Variants in AP3B2 observed in about 807,000 individuals in gnomAD.
AP3B2 encodes the protein adaptor related protein complex 3 subunit beta 2.
Under a neutral mutation model 126.9 loss-of-function variants are expected in AP3B2, and 50 were observed. The ratio of observed to expected loss-of-function variants is 0.39; its 90% CI spans 0.31 to 0.50. The LOEUF is 0.50. Ranked by LOEUF, AP3B2 falls within the 20% of genes least tolerant of loss-of-function variation. The pLI is 0.79. For synonymous variants in AP3B2, 541 were observed against 565.0 expected (o/e 0.96, Z 0.60); for missense variants, 1,177 against 1,426.4 (o/e 0.83, Z 2.82).
rs1177897642 is a variant in AP3B2 at position 82,665,916 on chromosome 15, C to T, written c.1853-341G>A. Among the ~76,000 whole-genome samples the T allele has an allele frequency of 6.6e-6, 1 of 152,132 alleles. No homozygotes were observed. The highest frequency in any genetic ancestry group is 1.5e-5 in the Non-Finnish European group (1 of 68,024). ...TCTGGACTCAGCAGGGAGGGATGAA[C>T]AGTCAGAGCATGAGTGTGTAGAAGT... On this transcript the variant is annotated intron_variant, in intron 15 of 26. Transcript: ENST00000535359. The surrounding 1 kb of genome is among the most constrained non-coding windows in gnomAD (Gnocchi z 4.4).
chr15:82,702,019 T>C (rs559749459), intron 1 of AP3B2, among the ~76,000 whole-genome samples: 1 of 152,342 alleles, frequency 6.6e-6, no homozygotes, highest in South Asian at 2.1e-4. Flanking sequence ...ACCTCTTGGG[T>C]ACCTTGAAAC....
In AP3B2 at chr15:82,704,827, G is replaced by A. The variant is rs571850164; in HGVS notation, c.113+4767C>T. Among the ~76,000 whole-genome samples the A allele has an allele frequency of 2.8e-4, 43 of 151,648 alleles. No homozygotes were observed. The Middle Eastern group carries it at 0.01, about 36-fold the overall frequency. ...AGTCCGTCCCCTTCTTAATCAATAC[G>A]GAGGCTACCAACTCCACATTACCTT... On this transcript the variant is annotated intron_variant, in intron 1 of 26. Transcript: ENST00000535359.
Position 82,680,247 on chromosome 15 carries a change from C to T in AP3B2, c.1056-18G>A, listed in dbSNP as rs1231931203. On this transcript the variant is annotated intron_variant, in intron 8 of 26. Transcript: ENST00000535359. The surrounding 1 kb of genome is among the most constrained non-coding windows in gnomAD (Gnocchi z 6.1). The stretch of plus-strand genomic sequence containing the variant: ...GCACCTCACTGCGGAGAGGACGGGT[C>T]AGAGCACCCCGGGCCCCTCGGTTGG... 1 of 1,613,488 alleles carries T rather than the reference C, an allele frequency of 6.2e-7. No individual in the cohort carries two copies. The highest frequency in any genetic ancestry group is 2.2e-5 in the East Asian group (1 of 44,862).
intron 21 of AP3B2, 33 bp from the exon 22 acceptor site, chr15:82,663,266 A>T: frequency 6.5e-7 from 1 of 1,548,394 alleles, no homozygotes; most frequent in Non-Finnish European, 8.9e-7. Flanking sequence ...GAGGAGGCAA[A>T]GTGGAGGTGG....
intron 14 of AP3B2, 38 bp from the exon 15 acceptor site, chr15:82,666,971 G>C: frequency 6.3e-7 from 1 of 1,584,390 alleles, no homozygotes; most frequent in South Asian, 1.1e-5. Flanking sequence ...CTGACGGGGG[G>C]ATGGGGACAC....
rs147753948 is a variant in AP3B2, at chr15:82,695,965, A to G, written c.114-6512T>C. Among the ~76,000 whole-genome samples, 523 of 152,308 alleles carry G rather than the reference A, an allele frequency of 3.4e-3. 2 individuals carry two copies. Among genetic ancestry groups the G allele is most frequent in the African/African-American group, 0.012 (497 of 41,552 alleles). ...CACCCATTTTTGTGGCCAGAGGTGA[A>G]GCACTCTCTGGTGAGCGGTGTGTAT... On this transcript the variant is annotated intron_variant, in intron 1 of 26. Transcript: ENST00000535359.
At chr15:82,687,582 T>C (rs944323154) in intron 4 of AP3B2, 3 of 152,230 alleles carry the variant, frequency 2.0e-5, no homozygotes, top group Non-Finnish European at 4.4e-5. Context: ...ATGTGTGGCA[T>C]AGAGACACCC....
intron 4 of AP3B2, among the ~76,000 whole-genome samples, chr15:82,683,053 T>TTG (rs1389788076): frequency 1.3e-5 from 1 of 75,032 alleles, no homozygotes; most frequent in East Asian, 3.7e-4. Context: ...AGGAGTTTTT[T>TTG]TTTTTTTTTT....
rs2048008370 is a variant in AP3B2 at position 82,664,105 on chromosome 15, C to T, written c.2262-130G>A. ...AGCCAGGAGGGTTCACACCTGAGGTCCTATAGCAGGGACCCCGTGAGAGCT... is the reference window on the plus strand; with the variant it reads ...AGCCAGGAGGGTTCACACCTGAGGTTCTATAGCAGGGACCCCGTGAGAGCT... On this transcript the variant is annotated intron_variant, in intron 19 of 26. Transcript: ENST00000535359. This position sits in a 1 kb window ranked among gnomAD's most constrained non-coding sequence, Gnocchi z 4.5. 3 of 1,419,194 alleles carry T rather than the reference C, an allele frequency of 2.1e-6. No individual in the cohort carries two copies. The highest frequency in any genetic ancestry group is 2.8e-6 in the Non-Finnish European group (3 of 1,078,290). 87.9% of individuals were successfully genotyped at this position (1,419,194 alleles called of 1,614,324 possible).
At position 82,688,824 on chromosome 15, in the gene AP3B2, T is replaced by C; in HGVS notation, c.272A>G (p.Lys91Arg). The C allele has an allele frequency of 6.2e-7, 1 of 1,611,174 alleles. No individual in the cohort carries two copies. Among genetic ancestry groups the C allele is most frequent in the Non-Finnish European group, 8.5e-7 (1 of 1,178,708 alleles). Residue 91 changes from lysine (K) to arginine (R), a missense_variant, in exon 4 of 27, where the codon AAG (lysine) becomes AGG (arginine). Transcript: ENST00000535359. Reference protein sequence around the residue: ...NVACKNIEVKKLVYVYLVRYA... With the variant: ...NVACKNIEVKRLVYVYLVRYA... ...GCGTACCAGGTACACATAGACAAGCTTCTTCACCTTGGGGAGAGCACGTTT... is the reference window on the plus strand; with the variant it reads ...GCGTACCAGGTACACATAGACAAGCCTCTTCACCTTGGGGAGAGCACGTTT...
intron 15 of AP3B2, among the ~76,000 whole-genome samples, chr15:82,666,005 G>A (rs535432344): frequency 2.0e-5 from 3 of 152,298 alleles, no homozygotes; most frequent in East Asian, 1.9e-4. Context: ...GGATGGTGTC[G>A]GGGAGAAAGG....
intron 4 of AP3B2, chr15:82,688,096 C>A: frequency 4.5e-6 from 1 of 221,454 alleles, no homozygotes; most frequent in Non-Finnish European, 9.0e-6. Flanking sequence ...ACAGTGAGAA[C>A]CTGTCTCATA....
rs1455524267 is a variant in AP3B2, at chr15:82,659,639, G to C, written c.3227C>G (p.Ala1076Gly). 1 of 1,613,906 alleles carries C rather than the reference G, an allele frequency of 6.2e-7. No individual in the cohort carries two copies. The highest frequency in any genetic ancestry group is 1.7e-5 in the Admixed American group (1 of 60,018). ...LTLDARPAGA[A>G]QLTVNSEKMV... ...TTTCTCGCTGTTGACAGTCAGCTGG[G>C]CAGCTCCAGCTGGCCGGGCATCCAG... Residue 1076 changes from alanine to glycine, a missense_variant, in exon 27 of 27, where the codon GCC becomes GGC. Physicochemically the swap from Ala to Gly is moderately conservative, Grantham distance 60 (BLOSUM62 0). Transcript: ENST00000535359.
intron 14 of AP3B2, 32 bp from the exon 15 acceptor site, chr15:82,666,965 C>T (rs112022681): frequency 4.6e-5 from 73 of 1,591,712 alleles, no homozygotes; most frequent in Admixed American, 1.9e-4. Context: ...GGTCAGCTGA[C>T]GGGGGGATGG....
intron 25 of AP3B2, among the ~76,000 whole-genome samples, chr15:82,661,477 TGGG>T (rs781320266): frequency 6.6e-6 from 1 of 152,192 alleles, no homozygotes; most frequent in Non-Finnish European, 1.5e-5. Flanking sequence ...TTTTAAGTGT[TGGG>T]GGAGCAATCA....
Position 82,709,853 on chromosome 15 carries a change from C to T in AP3B2, c.-147G>A, listed in dbSNP as rs969460291. On this transcript the variant is annotated 5_prime_UTR_variant, in exon 1 of 27. Transcript: ENST00000535359. ...CAGCAGAGGCTGCAGTGTGCAGCGGCGGAGGCTGCGCGCGGATTTCTCAAT... is the reference window on the plus strand; with the variant it reads ...CAGCAGAGGCTGCAGTGTGCAGCGGTGGAGGCTGCGCGCGGATTTCTCAAT... 22 of 534,690 alleles carry T rather than the reference C, an allele frequency of 4.1e-5. No homozygotes were observed. The highest frequency in any genetic ancestry group is 4.0e-4 in the African/African-American group (20 of 50,092). The allele number at this position is 534,690 out of a possible 1,614,324, so 33.1% of individuals were successfully genotyped here. A position where few individuals can be genotyped will look rare whatever the true frequency, so the allele number is the denominator to read the frequency against.
chr15:82,679,822 G>A (rs1045615636), intron 9 of AP3B2, 22 bp from the exon 10 acceptor site: 1 of 1,611,372 alleles, frequency 6.2e-7, no homozygotes, highest in African/African-American at 1.3e-5. Flanking sequence ...GAGGCAGCTA[G>A]GGAGCTCCAC....
In AP3B2 at chr15:82,699,757, C is replaced by T. The variant is rs997353901; in HGVS notation, c.113+9837G>A. On this transcript the variant is annotated intron_variant, in intron 1 of 26. Transcript: ENST00000535359. ...CTCCTCAGGCTCCAAGGCCTGGTACCGGAGTGGGGGCCCACCTTCGGGAGC... is the reference window on the plus strand; with the variant it reads ...CTCCTCAGGCTCCAAGGCCTGGTACTGGAGTGGGGGCCCACCTTCGGGAGC... The T allele has an allele frequency of 3.3e-5, 13 of 399,412 alleles. No homozygotes were observed. In the South Asian group the frequency reaches 3.8e-4, roughly 12 times the overall value. The allele number at this position is 399,412 out of a possible 1,614,324, so 24.7% of individuals were successfully genotyped here.
At chr15:82,688,050 G>A (rs1228635497) in intron 4 of AP3B2, 1 of 170,552 alleles carries the variant, frequency 5.9e-6, no homozygotes, top group Admixed American at 5.7e-5. Context: ...GCTCCAGTGA[G>A]CCATGATTGC....
Sources: allele counts gnomAD v4.1 joint callset (sites outside exome capture counted in the v4.1 genomes callset), GRCh38; gene constraint gnomAD v4.1.1; non-coding constraint Gnocchi (gnomAD v3.1); transcripts MANE v1.5; gene names NCBI Gene and HGNC (gene_info 2026-07-23, HGNC 2026-07-21).